The following ZNF808 variants were observed in gnomAD, a reference collection of about 807,000 sequenced individuals.
ZNF808 encodes the protein zinc finger protein 808.
Under a neutral mutation model 8.7 loss-of-function variants are expected in ZNF808, and 5 were observed. The ratio of observed to expected loss-of-function variants is 0.58; its 90% CI spans 0.30 to 1.21. ZNF808 has a LOEUF of 1.21. Ranked by LOEUF, ZNF808 falls within the 50% of genes most tolerant of loss-of-function variation. The pLI, the probability that ZNF808 is intolerant of heterozygous loss-of-function variation, is 0.07. For missense variants in ZNF808, 1,103 were observed against 1,098.4 expected, an observed-to-expected ratio of 1.00 and a Z score of -0.06; for synonymous variants, 380 against 366.0, an observed-to-expected ratio of 1.04 and a Z score of -0.44.
chr19:52,546,736 T>C (rs1165300014), intron 3 of ZNF808, among the ~76,000 whole-genome samples: 2 of 144,416 alleles, frequency 1.4e-5, no homozygotes, highest in Admixed American at 7.3e-5. Flanking sequence ...CTCCGCCTCC[T>C]GGATTCAAGC....
chr19:52,530,515 T>C (rs1278331234), intron 1 of ZNF808, among the ~76,000 whole-genome samples: 1 of 151,902 alleles, frequency 6.6e-6, no homozygotes, highest in Non-Finnish European at 1.5e-5. Context: ...ATACAAAAAT[T>C]AGCCAGGCAT....
At chr19:52,559,696 G>A (rs534822474), downstream of ZNF808, among the ~76,000 whole-genome samples, 2 of 152,254 alleles carry the variant, frequency 1.3e-5, no homozygotes, top group South Asian at 2.1e-4. Context: ...CACGTCAGTG[G>A]TACAGGGTGC....
At chr19:52,538,501 T>C (rs1356999285) in intron 2 of ZNF808, among the ~76,000 whole-genome samples, 3 of 150,732 alleles carry the variant, frequency 2.0e-5, no homozygotes, top group Admixed American at 6.7e-5. Context: ...TGCGCCACCA[T>C]GCCCTGCTAA....
downstream of ZNF808, among the ~76,000 whole-genome samples, chr19:52,567,486 T>TTTTTTA (rs772687481): frequency 1.3e-4 from 5 of 37,198 alleles, no homozygotes; most frequent in East Asian, 3.2e-4. Context: ...AGCTGTATTT[T>TTTTTTA]TTATTATTAT....
At chr19:52,532,405 TTTC>T (rs1409623070) in intron 1 of ZNF808, among the ~76,000 whole-genome samples, 3 of 152,142 alleles carry the variant, frequency 2.0e-5, no homozygotes, top group Non-Finnish European at 4.4e-5. Context: ...TTTGGAATCT[TTTC>T]TTATCTTCTC....
intron 4 of ZNF808, among the ~76,000 whole-genome samples, chr19:52,551,930 C>G (rs1366824027): frequency 1.3e-5 from 2 of 152,024 alleles, no homozygotes; most frequent in Non-Finnish European, 1.5e-5. Flanking sequence ...TTCAACCCAG[C>G]AGGCAGAGGT....
intron 2 of ZNF808, among the ~76,000 whole-genome samples, chr19:52,538,351 T>TATTATTATTATTATC (rs1479612086): frequency 1.9e-4 from 28 of 149,542 alleles, no homozygotes; most frequent in East Asian, 7.8e-4. Flanking sequence ...TTATTATTAT[T>TATTATTATTATTATC]AGTTTTTTGA....
rs765356061 is a variant in ZNF808 at position 52,554,444 on chromosome 19, C to G, written c.1528C>G (p.Pro510Ala). 1.9e-6 allele frequency: 3 copies of G among 1,614,068 alleles called. No homozygotes were observed. Among genetic ancestry groups the G allele is most frequent in the Non-Finnish European group, 2.5e-6 (3 of 1,180,006 alleles). Residue 510 changes from proline to alanine, a missense_variant, in exon 5 of 5, where the codon CCT (proline) becomes GCT (alanine). Pro to Ala is a conservative substitution (Grantham distance 27). Transcript: ENST00000359798. ...CHRRLHSGEK[P>A]YKCNQCGNTF... ...TCGTAGACTTCATAGTGGTGAAAAA[C>G]CTTACAAGTGTAATCAGTGTGGCAA...
intron 2 of ZNF808, among the ~76,000 whole-genome samples, chr19:52,539,873 C>G (rs8109739): frequency 0.066 from 10,075 of 151,762 alleles, 1,050 homozygotes; most frequent in African/African-American, 0.22. Context: ...TTTTGAGACA[C>G]TTTTACTGTT....
chr19:52,560,931 A>T (rs532186846), downstream of ZNF808, among the ~76,000 whole-genome samples: 1 of 151,932 alleles, frequency 6.6e-6, no homozygotes, highest in Non-Finnish European at 1.5e-5. Context: ...TGAACACCCC[A>T]ATTTCCCCAT....
At chr19:52,541,673 G>C (rs1180333533) in intron 2 of ZNF808, among the ~76,000 whole-genome samples, 2 of 151,198 alleles carry the variant, frequency 1.3e-5, no homozygotes, top group Non-Finnish European at 2.9e-5. Context: ...AGGGATTCCA[G>C]TTCTCCAAAT....
intron 2 of ZNF808, among the ~76,000 whole-genome samples, chr19:52,534,395 T>G (rs1339731440): frequency 6.6e-6 from 1 of 152,230 alleles, no homozygotes; most frequent in Non-Finnish European, 1.5e-5. Flanking sequence ...ATGGGTTGTA[T>G]AGAACACTGA....
chr19:52,540,517 A>G (rs1893739795), intron 2 of ZNF808, among the ~76,000 whole-genome samples: 1 of 152,132 alleles, frequency 6.6e-6, no homozygotes, highest in African/African-American at 2.4e-5. Context: ...TTCAGTGTGT[A>G]CTTGATAATG....
chr19:52,548,151 T>C lies in ZNF808; in HGVS notation c.190+513T>C, dbSNP rs1265884407. On this transcript the variant is annotated intron_variant, in intron 4 of 4. Transcript: ENST00000359798. The stretch of plus-strand genomic sequence containing the variant: ...AAGCAGCAGTCAGTGGTGTTGCAAT[T>C]CCTCCCAGCGAGGACATCATTCGGG... Among the ~76,000 whole-genome samples the C allele has an allele frequency of 2.0e-5, 3 of 152,230 alleles. No homozygotes were observed. The East Asian group carries it at 5.8e-4, about 30-fold the overall frequency.
intron 3 of ZNF808, among the ~76,000 whole-genome samples, chr19:52,546,188 G>GTTTT (rs35937083): frequency 7.1e-6 from 1 of 140,228 alleles, no homozygotes; most frequent in African/African-American, 2.7e-5. Context: ...CATCATAACA[G>GTTTT]TTTTTTTTTT....
chr19:52,536,233 G>C (rs533583254), intron 2 of ZNF808, among the ~76,000 whole-genome samples: 10 of 152,294 alleles, frequency 6.6e-5, no homozygotes, highest in Non-Finnish European at 1.5e-5. Context: ...CCGGAGGCTG[G>C]TCCCAACCCC....
chr19:52,543,119 G>A, intron 2 of ZNF808, 147 bp from the exon 3 acceptor site: 2 of 771,712 alleles, frequency 2.6e-6, no homozygotes, highest in South Asian at 1.8e-5. Flanking sequence ...TCTTCCTGTG[G>A]GACTTTCTTA....
At chr19:52,530,198 G>A (rs530882449) in intron 1 of ZNF808, among the ~76,000 whole-genome samples, 1 of 152,174 alleles carries the variant, frequency 6.6e-6, no homozygotes, top group East Asian at 2.0e-4. Flanking sequence ...GTAGTTGGGA[G>A]TACAGGCATG....
chr19:52,527,986 C>T (rs73586710), intron 1 of ZNF808: 4,148 of 152,584 alleles, frequency 0.027, 142 homozygotes, highest in African/African-American at 0.075. Flanking sequence ...TGACTCTTCC[C>T]TCCTCGCGCT....
Sources: gnomAD v4.1 joint callset for allele counts (sites outside exome capture counted in the v4.1 genomes callset) on GRCh38, gnomAD v4.1.1 for gene constraint, MANE v1.5 for transcripts, NCBI Gene and HGNC (gene_info 2026-07-23, HGNC 2026-07-21) for gene names.